Variants in EPC1 observed in about 807,000 individuals in gnomAD.
The protein encoded by EPC1 is enhancer of polycomb homolog 1.
Under a neutral mutation model 98.4 loss-of-function variants are expected in EPC1, and 12 were observed. That is an observed-to-expected ratio of 0.12 (90% CI 0.08 to 0.20). EPC1 has a LOEUF of 0.20. Among genes scored for constraint, EPC1 ranks in the 10% least tolerant of loss-of-function variants. The pLI is 1.00. For synonymous variants in EPC1, 357 were observed against 363.9 expected (o/e 0.98, Z 0.21); for missense variants, 729 against 990.5 (o/e 0.74, Z 3.54).
intron 1 of EPC1, among the ~76,000 whole-genome samples, chr10:32,315,380 A>G (rs965182504): frequency 1.3e-5 from 2 of 152,254 alleles, no homozygotes; most frequent in African/African-American, 4.8e-5. Flanking sequence ...ATTCCTAAAC[A>G]AAGATTAAAT....
At chr10:32,323,733 T>G (rs1211072831) in intron 1 of EPC1, among the ~76,000 whole-genome samples, 1 of 152,164 alleles carries the variant, frequency 6.6e-6, no homozygotes, top group East Asian at 1.9e-4. Flanking sequence ...CCTCTTAGCA[T>G]GGTCCCTAGC....
At chr10:32,280,394 G>A (rs1836343597) in intron 10 of EPC1, among the ~76,000 whole-genome samples, 1 of 152,126 alleles carries the variant, frequency 6.6e-6, no homozygotes, top group South Asian at 2.1e-4. Context: ...AGAGGTTGCA[G>A]TGAGTGAGAT....
chr10:32,370,515 G>A (rs796968261), intron 1 of EPC1, among the ~76,000 whole-genome samples: 10 of 152,262 alleles, frequency 6.6e-5, no homozygotes, highest in African/African-American at 2.4e-4. Context: ...ACTTTTTAGG[G>A]TAGGGCATAG....
intron 1 of EPC1, among the ~76,000 whole-genome samples, chr10:32,338,724 C>A (rs1231605322): frequency 2.6e-5 from 4 of 152,100 alleles, no homozygotes; most frequent in Non-Finnish European, 5.9e-5. Context: ...TTCCTAACCA[C>A]CTACCCAAAG....
At chr10:32,367,395 A>G (rs112157150) in intron 1 of EPC1, among the ~76,000 whole-genome samples, 2,441 of 152,332 alleles carry the variant, frequency 0.016, 60 homozygotes, top group African/African-American at 0.055. Context: ...CTAGTAAGAG[A>G]TGAATTTCAC....
At position 32,377,766 on chromosome 10, in the gene EPC1, C is replaced by T. The variant is rs1231371925; in HGVS notation, c.3+725G>A. Among the ~76,000 whole-genome samples, 3 of 151,168 alleles carry T rather than the reference C, an allele frequency of 2.0e-5. No individual in the cohort carries two copies. The East Asian group carries it at 5.8e-4, about 29-fold the overall frequency. ...GAGGAGCACTACAGCGCCACCAACA[C>T]AGATCAATGCAAAACAAAAAAGATC... is the stretch of plus-strand genomic sequence containing the variant. On this transcript the variant is annotated intron_variant, in intron 1 of 13. Coordinates refer to the EPC1 transcript ENST00000375110.
intron 2 of EPC1, among the ~76,000 whole-genome samples, chr10:32,298,631 C>T (rs1346084997): frequency 6.6e-6 from 1 of 152,186 alleles, no homozygotes; most frequent in Admixed American, 6.5e-5. Flanking sequence ...AAAGATATCG[C>T]TGACTAGCCA....
At chr10:32,334,094 A>G (rs1837805668) in intron 1 of EPC1, among the ~76,000 whole-genome samples, 1 of 152,260 alleles carries the variant, frequency 6.6e-6, no homozygotes, top group Non-Finnish European at 1.5e-5. Context: ...CAAAGCTGAG[A>G]GCAGGGGTGA....
chr10:32,297,313 C>T (rs1283098243), intron 2 of EPC1, among the ~76,000 whole-genome samples: 1 of 144,772 alleles, frequency 6.9e-6, no homozygotes, highest in African/African-American at 2.5e-5. Flanking sequence ...TGGAGTTTCG[C>T]TCTTGTTGCC....
intron 1 of EPC1, among the ~76,000 whole-genome samples, chr10:32,309,241 T>C (rs1276692743): frequency 6.6e-6 from 1 of 152,130 alleles, no homozygotes; most frequent in Non-Finnish European, 1.5e-5. Flanking sequence ...CAACCAACAA[T>C]AATTTATTAC....
At chr10:32,343,694 T>TGGGGG (rs5784285) in intron 1 of EPC1, among the ~76,000 whole-genome samples, 31 of 142,814 alleles carry the variant, frequency 2.2e-4, no homozygotes, top group African/African-American at 5.2e-4. Context: ...CAAATTATTT[T>TGGGGG]GGGGGGGGGG....
At chr10:32,345,676 CACA>C in intron 1 of EPC1, 1 of 966,378 alleles carries the variant, frequency 1.0e-6, no homozygotes, top group South Asian at 4.8e-5. Flanking sequence ...ACCCAACTTC[CACA>C]ACAAGGTAAA....
At chr10:32,279,672 T>C (rs11008864) in intron 10 of EPC1, among the ~76,000 whole-genome samples, 2,762 of 152,268 alleles carry the variant, frequency 0.018, 80 homozygotes, top group African/African-American at 0.062. Context: ...ATATTGAACA[T>C]AGAATTGTAG....
intron 1 of EPC1, among the ~76,000 whole-genome samples, chr10:32,344,811 AATT>A (rs1232535771): frequency 6.6e-6 from 1 of 152,124 alleles, no homozygotes; most frequent in Non-Finnish European, 1.5e-5. Context: ...GAAAAATCTA[AATT>A]ATTTCAGCGA....
chr10:32,309,493 C>CTTTTT (rs67775039), intron 1 of EPC1, among the ~76,000 whole-genome samples: 4 of 142,440 alleles, frequency 2.8e-5, no homozygotes, highest in Non-Finnish European at 4.5e-5. Context: ...TATTTTCAAG[C>CTTTTT]TTTTTTTTTT....
chr10:32,275,134 T>C (rs537508335), intron 10 of EPC1, among the ~76,000 whole-genome samples: 2 of 152,380 alleles, frequency 1.3e-5, no homozygotes, highest in Admixed American at 1.3e-4. Context: ...TTAAAGTCCA[T>C]ATATATGAAA....
intron 1 of EPC1, among the ~76,000 whole-genome samples, chr10:32,307,034 C>T (rs1034663748): frequency 3.3e-5 from 5 of 151,952 alleles, no homozygotes; most frequent in Admixed American, 2.6e-4. Context: ...TATATATATT[C>T]CTATATAAAT....
At chr10:32,359,931 G>C (rs1301386643) in intron 1 of EPC1, among the ~76,000 whole-genome samples, 1 of 151,642 alleles carries the variant, frequency 6.6e-6, no homozygotes, top group African/African-American at 2.4e-5. Context: ...TAGTAGTTTT[G>C]TATCATTTAT....
intron 1 of EPC1, among the ~76,000 whole-genome samples, chr10:32,365,160 C>T (rs1456760304): frequency 6.6e-6 from 1 of 152,066 alleles, no homozygotes; most frequent in Non-Finnish European, 1.5e-5. Context: ...GACGCTTAAA[C>T]AAAATGGTCT....
Sources: allele counts gnomAD v4.1 joint callset (sites outside exome capture counted in the v4.1 genomes callset), GRCh38; gene constraint gnomAD v4.1.1; transcripts MANE v1.5; gene names NCBI Gene and HGNC (gene_info 2026-07-23, HGNC 2026-07-21).